TTLL5: variants seen among roughly 807,000 people sequenced by gnomAD.
TTLL5 encodes tubulin tyrosine ligase like 5.
TTLL5 carries 132 observed loss-of-function variants against 168.4 expected under a neutral mutation model. That is an observed-to-expected ratio of 0.78 (90% CI 0.68 to 0.91). The LOEUF is 0.91. TTLL5 is among the 40% of genes least tolerant of loss of function. The probability of loss-of-function intolerance (pLI) is 0.00; values close to 1 mark genes in which losing one functional copy is unlikely to be tolerated. For missense variants in TTLL5, 1,545 were observed against 1,581.5 expected (o/e 0.98, Z 0.39); for synonymous variants, 546 against 558.6 (o/e 0.98, Z 0.32).
Position 75,699,216 on chromosome 14 carries a change from G to C in TTLL5, c.531G>C (p.Trp177Cys). ...CNSYSKDRGP[W>C]IVKPVASSRG... ...CATATTCGAAGGACCGGGGACCTTG[G>C]ATAGTAAAACCAGTGGCATCTTCAA... The change falls in exon 7 of 32, where the codon TGG becomes TGC. Residue 177 changes from tryptophan (W) to cysteine (C), a missense_variant. Trp to Cys is a radical substitution (Grantham distance 215). Coordinates refer to ENST00000298832, the MANE Select transcript of TTLL5 (RefSeq NM_015072.5). The C allele has an allele frequency of 6.2e-7, 1 of 1,613,958 alleles. No homozygotes were observed.
chr14:75,683,637 A>G lies in TTLL5; in HGVS notation c.352A>G (p.Lys118Glu), dbSNP rs758626164. 4.3e-6 allele frequency: 7 copies of G among 1,613,768 alleles called. No homozygotes were observed. The South Asian group carries it at 5.5e-5, about 13-fold the overall frequency. The change falls in exon 5 of 32, where the codon AAA becomes GAA. Residue 118 changes from lysine (K) to glutamate (E), a missense_variant. Lys to Glu is a moderately conservative substitution (Grantham distance 56). Coordinates refer to ENST00000298832, the MANE Select transcript of TTLL5 (RefSeq NM_015072.5). ...ACTGCGCACCCTCTCTGAAGCACAA[A>G]AAGTTAATCACTTTCCCAGGTAATG... is the stretch of plus-strand genomic sequence containing the variant. The part of the protein sequence containing the change: ...FLLRTLSEAQ[K>E]VNHFPRSYEL...
intron 18 of TTLL5, among the ~76,000 whole-genome samples, chr14:75,762,389 C>T (rs1410662447): frequency 6.6e-6 from 1 of 151,560 alleles, no homozygotes; most frequent in East Asian, 1.9e-4. Context: ...AGCAAGACTC[C>T]GTCTCAAAAT....
At chr14:75,855,656 T>G (rs549811654) in intron 28 of TTLL5, among the ~76,000 whole-genome samples, 1 of 152,292 alleles carries the variant, frequency 6.6e-6, no homozygotes. Context: ...TAGAAAGTTT[T>G]CCCAAATCTC....
chr14:75,925,265 C>CT (rs1239953342), intron 31 of TTLL5, among the ~76,000 whole-genome samples: 1 of 150,794 alleles, frequency 6.6e-6, no homozygotes, highest in Admixed American at 6.6e-5. Context: ...GACGGGGTGG[C>CT]TGCCGGGCGG....
At chr14:75,796,957 G>T (rs1274533378) in intron 27 of TTLL5, among the ~76,000 whole-genome samples, 1 of 151,974 alleles carries the variant, frequency 6.6e-6, no homozygotes, top group East Asian at 1.9e-4. Flanking sequence ...TTCTAGTTCT[G>T]TGAAGAATGA....
intron 7 of TTLL5, among the ~76,000 whole-genome samples, chr14:75,704,180 A>AT (rs1886479367): frequency 6.6e-6 from 1 of 152,324 alleles, no homozygotes; most frequent in Middle Eastern, 3.4e-3. Context: ...CTTAACCACT[A>AT]TATCATTCTC....
intron 17 of TTLL5, among the ~76,000 whole-genome samples, chr14:75,748,638 T>C (rs1326667309): frequency 2.6e-5 from 4 of 152,224 alleles, no homozygotes; most frequent in African/African-American, 7.2e-5. Flanking sequence ...CCTTAAGACA[T>C]GTGAATGTTA....
At chr14:75,706,408 A>G (rs1886664103) in intron 7 of TTLL5, among the ~76,000 whole-genome samples, 1 of 152,334 alleles carries the variant, frequency 6.6e-6, no homozygotes, top group Non-Finnish European at 1.5e-5. Context: ...TGCAGTGTCC[A>G]CAGTACTTTT....
At chr14:75,775,801 T>C (rs983058737) in intron 22 of TTLL5, among the ~76,000 whole-genome samples, 171 bp downstream of exon 22, 2 of 152,194 alleles carry the variant, frequency 1.3e-5, no homozygotes, top group Admixed American at 1.3e-4. Context: ...TTAACTCAGC[T>C]GGTCTGAAAA....
chr14:75,713,126 TAA>T (rs1456980479), intron 9 of TTLL5, among the ~76,000 whole-genome samples: 1 of 152,206 alleles, frequency 6.6e-6, no homozygotes, highest in African/African-American at 2.4e-5. Flanking sequence ...TACATTAGGA[TAA>T]GTGTGGTCAT....
chr14:75,883,533 A>G (rs2031932773), intron 30 of TTLL5, among the ~76,000 whole-genome samples: 1 of 152,204 alleles, frequency 6.6e-6, no homozygotes, highest in South Asian at 2.1e-4. Context: ...TGTGTCGCAG[A>G]CATTTGTGTA....
chr14:75,879,208 C>T (rs919086369), intron 29 of TTLL5, among the ~76,000 whole-genome samples: 5 of 152,154 alleles, frequency 3.3e-5, no homozygotes, highest in African/African-American at 1.2e-4. Context: ...CATACAAATA[C>T]ATTTTTCTAA....
chr14:75,773,950 AGAGAGAAAGAGAG>A, intron 21 of TTLL5, among the ~76,000 whole-genome samples: 2 of 35,490 alleles, frequency 5.6e-5, no homozygotes, highest in African/African-American at 1.8e-4. Context: ...AGAGAGAGAG[AGAGAGAAAGAGAG>A]AGAGAGAGAG....
chr14:75,872,015 T>C (rs1486260902), intron 29 of TTLL5, among the ~76,000 whole-genome samples: 1 of 152,232 alleles, frequency 6.6e-6, no homozygotes, highest in Non-Finnish European at 1.5e-5. Context: ...GGCCCTGATA[T>C]ACAAATAATT....
At chr14:75,803,830 G>A (rs1371767155) in intron 27 of TTLL5, among the ~76,000 whole-genome samples, 3 of 152,166 alleles carry the variant, frequency 2.0e-5, no homozygotes, top group African/African-American at 7.2e-5. Flanking sequence ...TGTGGTTATT[G>A]CCATTAGTGA....
intron 28 of TTLL5, among the ~76,000 whole-genome samples, chr14:75,837,892 TACAC>T (rs554818176): frequency 1.3e-5 from 2 of 152,024 alleles, no homozygotes; most frequent in East Asian, 1.9e-4. Context: ...TACACACCCA[TACAC>T]ACACACTACA....
chr14:75,806,957 AT>A (rs1455111989), intron 27 of TTLL5, among the ~76,000 whole-genome samples: 14 of 151,948 alleles, frequency 9.2e-5, no homozygotes, highest in African/African-American at 3.4e-4. Context: ...GTGCTCCTTC[AT>A]TCCTTCATTA....
chr14:75,907,048 G>A (rs1028587344), intron 31 of TTLL5, among the ~76,000 whole-genome samples: 1 of 152,204 alleles, frequency 6.6e-6, no homozygotes, highest in African/African-American at 2.4e-5. Flanking sequence ...AGGTAAAGTT[G>A]CAGTAGTTGC....
chr14:75,862,277 A>G (rs532778339), intron 28 of TTLL5, among the ~76,000 whole-genome samples: 2 of 152,302 alleles, frequency 1.3e-5, no homozygotes, highest in African/African-American at 2.4e-5. Flanking sequence ...CCTATTTTGT[A>G]CAATGCTGCT....
Sources: gnomAD v4.1 joint callset for allele counts (sites outside exome capture counted in the v4.1 genomes callset) on GRCh38, gnomAD v4.1.1 for gene constraint, MANE v1.5 for transcripts, NCBI Gene and HGNC (gene_info 2026-07-23, HGNC 2026-07-21) for gene names.